MFHAS1: variants seen among roughly 807,000 people sequenced by gnomAD.
MFHAS1 encodes malignant fibrous histiocytoma-amplified sequence 1.
MFHAS1 carries 50 observed loss-of-function variants against 70.4 expected under a neutral mutation model. That is an observed-to-expected ratio of 0.71 (90% CI 0.57 to 0.90). The LOEUF is 0.90. MFHAS1 is among the 40% of genes least tolerant of loss of function. The pLI is 0.00. For missense variants in MFHAS1, 1,795 were observed against 1,347.6 expected (o/e 1.33, Z -5.20); for synonymous variants, 952 against 620.0 (o/e 1.54, Z -7.96).
rs140196780 is a variant in MFHAS1, at chr8:8,879,746, C to G, written c.2998+10315G>C. ...AATGACATTAACCAAGATCCCAACACAGCTCCCCAAGCCCAAGATCAGGTA... is the reference window on the plus strand; with the variant it reads ...AATGACATTAACCAAGATCCCAACAGAGCTCCCCAAGCCCAAGATCAGGTA... On this transcript the variant is annotated intron_variant, in intron 1 of 2. Coordinates refer to ENST00000276282, the MANE Select transcript of MFHAS1 (RefSeq NM_004225.3). 3.3e-5 allele frequency among the ~76,000 whole-genome samples: 5 copies of G among 152,312 alleles called. No homozygotes were observed. The East Asian group carries it at 9.6e-4, about 29-fold the overall frequency.
At chr8:8,837,074 T>C (rs947432447) in intron 1 of MFHAS1, among the ~76,000 whole-genome samples, 1 of 152,192 alleles carries the variant, frequency 6.6e-6, no homozygotes, top group Non-Finnish European at 1.5e-5. Context: ...TGGCAAAACA[T>C]AATAACTAGG....
chr8:8,855,348 G>A (rs1323617500), intron 1 of MFHAS1, among the ~76,000 whole-genome samples: 1 of 152,240 alleles, frequency 6.6e-6, no homozygotes, highest in Admixed American at 6.5e-5. Context: ...GGAGCTCATT[G>A]TCTGGTGAAA....
At chr8:8,848,889 A>T (rs1191396224) in intron 1 of MFHAS1, among the ~76,000 whole-genome samples, 4 of 152,114 alleles carry the variant, frequency 2.6e-5, no homozygotes, top group African/African-American at 9.7e-5. Context: ...TGGTTAAATC[A>T]AGTTACCTTT....
chr8:8,893,285 C>T lies in MFHAS1; in HGVS notation c.-227G>A, dbSNP rs561559305. The stretch of plus-strand genomic sequence containing the variant: ...GCGCGTGGAGAGCAGCTTGCATTCT[C>T]CCTGCGGCCGGGCCATGGGCGCGCC... On this transcript the variant is annotated 5_prime_UTR_variant, in exon 1 of 3. Coordinates refer to ENST00000276282, the MANE Select transcript of MFHAS1 (RefSeq NM_004225.3). The T allele has an allele frequency of 1.3e-5, 2 of 152,874 alleles. No individual in the cohort carries two copies. Among genetic ancestry groups the T allele is most frequent in the Non-Finnish European group, 2.8e-5 (2 of 70,370 alleles). 9.5% of individuals were successfully genotyped at this position (152,874 alleles called of 1,614,324 possible).
In MFHAS1 at chr8:8,890,303, T is replaced by G; in HGVS notation, c.2756A>C (p.Tyr919Ser). The G allele has an allele frequency of 6.2e-7, 1 of 1,614,196 alleles. No individual in the cohort carries two copies. The highest frequency in any genetic ancestry group is 8.5e-7 in the Non-Finnish European group (1 of 1,180,022). The change falls in exon 1 of 3, where the codon TAT (tyrosine) becomes TCT (serine). Residue 919 changes from tyrosine to serine, a missense_variant. Transcript: ENST00000276282. ...CACAACCACAGGAACTTTCCCTCTA[T>G]AGGCAAAGATCTGAAATTTACCATC... ...RSDGKFQIFAYRGKVPVVVSY... is the reference protein window; with the variant it reads ...RSDGKFQIFASRGKVPVVVSY...
intron 1 of MFHAS1, among the ~76,000 whole-genome samples, chr8:8,862,488 AATTTAG>A (rs1457627744): frequency 6.6e-6 from 1 of 152,002 alleles, no homozygotes; most frequent in African/African-American, 2.4e-5. Flanking sequence ...CAAAGTTTTA[AATTTAG>A]ATTAAGTTAA....
intron 2 of MFHAS1, 151 bp downstream of exon 2, chr8:8,797,214 T>C: frequency 1.4e-6 from 1 of 739,062 alleles, no homozygotes; most frequent in Middle Eastern, 3.3e-4. Context: ...GCATAAATCA[T>C]GATGCTGATG....
intron 1 of MFHAS1, among the ~76,000 whole-genome samples, chr8:8,859,383 G>A (rs1808577164): frequency 6.6e-6 from 1 of 152,140 alleles, no homozygotes; most frequent in South Asian, 2.1e-4. Context: ...TTTCCTAACT[G>A]TGGAACTTCT....
chr8:8,886,063 A>T (rs1809740875), intron 1 of MFHAS1, among the ~76,000 whole-genome samples: 1 of 152,266 alleles, frequency 6.6e-6, no homozygotes, highest in African/African-American at 2.4e-5. Context: ...TCTTAAAAAG[A>T]TAATCACGTT....
rs1325362082 is a variant in MFHAS1 at position 8,789,279 on chromosome 8, A to G, written c.3126-3224T>C. Among the ~76,000 whole-genome samples, 3 of 152,204 alleles carry G rather than the reference A, an allele frequency of 2.0e-5. No individual in the cohort carries two copies. In the East Asian group the frequency reaches 5.8e-4, roughly 29 times the overall value. On this transcript the variant is annotated intron_variant, in intron 2 of 2. Coordinates refer to ENST00000276282, the MANE Select transcript of MFHAS1 (RefSeq NM_004225.3). ...GGGAAGAAAGCAGAGGAAGGCAATG[A>G]GGCTTACGGACTCCTAGCTTGGAGC...
chr8:8,807,246 C>A (rs1479630876), intron 1 of MFHAS1, among the ~76,000 whole-genome samples: 1 of 152,142 alleles, frequency 6.6e-6, no homozygotes, highest in Non-Finnish European at 1.5e-5. Flanking sequence ...TCTATGCCCT[C>A]CCTGGAATCT....
intron 1 of MFHAS1, among the ~76,000 whole-genome samples, chr8:8,885,515 C>T (rs1809719878): frequency 6.6e-6 from 1 of 152,154 alleles, no homozygotes; most frequent in African/African-American, 2.4e-5. Context: ...TCAAGAGTAC[C>T]AACTCTTTGA....
chr8:8,800,137 C>T (rs939914973), intron 1 of MFHAS1, among the ~76,000 whole-genome samples: 1 of 152,116 alleles, frequency 6.6e-6, no homozygotes, highest in South Asian at 2.1e-4. Context: ...ATGAACTAAG[C>T]GGCATACTTT....
chr8:8,835,941 G>C (rs1234746559), intron 1 of MFHAS1, among the ~76,000 whole-genome samples: 1 of 152,202 alleles, frequency 6.6e-6, no homozygotes, highest in African/African-American at 2.4e-5. Context: ...GTGCAATTCT[G>C]CTAACCGATG....
At chr8:8,804,728 C>T (rs866937909) in intron 1 of MFHAS1, among the ~76,000 whole-genome samples, 1 of 152,200 alleles carries the variant, frequency 6.6e-6, no homozygotes, top group Non-Finnish European at 1.5e-5. Context: ...ATTACTTCTG[C>T]GACTCACACA....
intron 1 of MFHAS1, among the ~76,000 whole-genome samples, chr8:8,825,754 A>T (rs955095388): frequency 3.9e-5 from 6 of 152,192 alleles, no homozygotes; most frequent in Non-Finnish European, 8.8e-5. Context: ...GGAGATTAAG[A>T]TTTCCAAATA....
chr8:8,892,188 C>A lies in MFHAS1; in HGVS notation c.871G>T (p.Ala291Ser). 1 of 1,610,026 alleles carries A rather than the reference C, an allele frequency of 6.2e-7. No homozygotes were observed. Among genetic ancestry groups the A allele is most frequent in the Non-Finnish European group, 8.5e-7 (1 of 1,179,978 alleles). ...SSNLFEEFPA[A>S]LLPLAGLEEL... Reference sequence around the variant, plus strand: ...TCCAGACCAGCCAGGGGCAGCAGCGCGGCAGGGAACTCCTCGAAGAGGTTG... The same window carrying A: ...TCCAGACCAGCCAGGGGCAGCAGCGAGGCAGGGAACTCCTCGAAGAGGTTG... Residue 291 changes from alanine to serine, a missense_variant, in exon 1 of 3, where the codon GCG becomes TCG. Physicochemically the swap from Ala to Ser is moderately conservative, Grantham distance 99. Coordinates refer to ENST00000276282, the MANE Select transcript of MFHAS1 (RefSeq NM_004225.3). The surrounding 1 kb of genome is among the most constrained non-coding windows in gnomAD (Gnocchi z 4.7).
chr8:8,879,269 T>A (rs1187037917), intron 1 of MFHAS1, among the ~76,000 whole-genome samples: 1 of 152,038 alleles, frequency 6.6e-6, no homozygotes, highest in African/African-American at 2.4e-5. Flanking sequence ...GAGAATCACT[T>A]GAACCCGGGA....
At chr8:8,798,790 T>A (rs1266641985) in intron 1 of MFHAS1, among the ~76,000 whole-genome samples, 1 of 152,172 alleles carries the variant, frequency 6.6e-6, no homozygotes, top group Non-Finnish European at 1.5e-5. Flanking sequence ...GGCTCACACC[T>A]GCAATCCTAG....
Sources: gnomAD v4.1 joint callset for allele counts (sites outside exome capture counted in the v4.1 genomes callset) on GRCh38, gnomAD v4.1.1 for gene constraint, Gnocchi (gnomAD v3.1) non-coding constraint, MANE v1.5 for transcripts, NCBI Gene and HGNC (gene_info 2026-07-23, HGNC 2026-07-21) for gene names.